The following GSE1 variants were observed in gnomAD, a reference collection of about 807,000 sequenced individuals.
The protein encoded by GSE1 is Gse1 coiled-coil protein, also known as genetic suppressor element 1.
A neutral mutation model predicts 112.6 loss-of-function variants in GSE1; 32 were observed. That is an observed-to-expected ratio of 0.28 (90% CI 0.21 to 0.38). The LOEUF (loss-of-function observed/expected upper bound fraction) is 0.38, where lower values mean the gene tolerates loss of function less well. Among genes scored for constraint, GSE1 ranks in the 10% least tolerant of loss-of-function variants. The pLI is 1.00. For synonymous variants in GSE1, 1,115 were observed against 735.6 expected, an observed-to-expected ratio of 1.52 and a Z score of -8.35; for missense variants, 2,348 against 1,699.2, an observed-to-expected ratio of 1.38 and a Z score of -6.71.
At chr16:85,509,360 C>T (rs2051655395) in intron 2 of GSE1, among the ~76,000 whole-genome samples, 1 of 152,200 alleles carries the variant, frequency 6.6e-6, no homozygotes, top group Non-Finnish European at 1.5e-5. Context: ...AGTTTCTCCT[C>T]AGAACAATGG....
At chr16:85,582,109 C>A (rs2046471656) in intron 1 of GSE1, 1 of 152,138 alleles carries the variant, frequency 6.6e-6, no homozygotes. Flanking sequence ...GGGAAGGAGG[C>A]AAGAGGAGAC....
At chr16:85,471,128 C>T (rs1362083163) in intron 2 of GSE1, among the ~76,000 whole-genome samples, 2 of 152,036 alleles carry the variant, frequency 1.3e-5, no homozygotes, top group East Asian at 3.9e-4. Flanking sequence ...TCGGTCCTCC[C>T]CCATTCGCCC....
upstream of GSE1, among the ~76,000 whole-genome samples, chr16:85,551,433 G>C (rs1370004807): frequency 6.6e-6 from 1 of 152,218 alleles, no homozygotes; most frequent in Non-Finnish European, 1.5e-5. Flanking sequence ...AATGGCTGTA[G>C]TGATGGGTTC....
At chr16:85,525,771 G>A (rs1204087548) in intron 2 of GSE1, among the ~76,000 whole-genome samples, 2 of 152,184 alleles carry the variant, frequency 1.3e-5, no homozygotes, top group Non-Finnish European at 2.9e-5. Flanking sequence ...CAGACAAGCT[G>A]TTTAACCTCG....
intron 2 of GSE1, among the ~76,000 whole-genome samples, chr16:85,436,554 G>C (rs1597749153): frequency 6.6e-6 from 1 of 152,242 alleles, no homozygotes; most frequent in Admixed American, 6.5e-5. Context: ...CTTCCTCTGT[G>C]GGGGCTAACA....
At chr16:85,171,677 T>A in exon 1 of GSE1, 2 of 985,608 alleles carry the variant, frequency 2.0e-6, no homozygotes, top group Non-Finnish European at 2.4e-6. Context: ...AGCCACAGCC[T>A]GTTGGTGGAT....
At chr16:85,589,987 T>C (rs544899870) in intron 1 of GSE1, among the ~76,000 whole-genome samples, 1 of 152,030 alleles carries the variant, frequency 6.6e-6, no homozygotes, top group African/African-American at 2.4e-5. Context: ...TGAATGCATG[T>C]GTGAATGTGA....
At chr16:85,256,612 C>T (rs980007691) in intron 1 of GSE1, among the ~76,000 whole-genome samples, 2 of 152,238 alleles carry the variant, frequency 1.3e-5, no homozygotes, top group South Asian at 2.1e-4. Context: ...TATTTCCATC[C>T]GGGACCCCGG....
At chr16:85,192,868 G>A (rs913886346) in intron 1 of GSE1, among the ~76,000 whole-genome samples, 1 of 152,232 alleles carries the variant, frequency 6.6e-6, no homozygotes, top group Admixed American at 6.5e-5. Flanking sequence ...TCGCCCTTTT[G>A]GGAAGAAGGG....
At chr16:85,575,769 T>G (rs996666728) in intron 1 of GSE1, among the ~76,000 whole-genome samples, 1 of 152,202 alleles carries the variant, frequency 6.6e-6, no homozygotes, top group African/African-American at 2.4e-5. Context: ...AATTAGGTGA[T>G]TATCACTATA....
At chr16:85,637,205 T>G (rs1256048269) in intron 2 of GSE1, among the ~76,000 whole-genome samples, 1 of 152,220 alleles carries the variant, frequency 6.6e-6, no homozygotes, top group East Asian at 1.9e-4. Context: ...CGGCGGCCGC[T>G]GTCTGCTTTC....
intron 1 of GSE1, among the ~76,000 whole-genome samples, chr16:85,563,358 T>G (rs1307987243): frequency 6.6e-6 from 1 of 152,192 alleles, no homozygotes; most frequent in Non-Finnish European, 1.5e-5. Context: ...TCAGTGAGAA[T>G]TTTCTTACAA....
At chr16:85,664,981 C>T (rs1271761799) in intron 11 of GSE1, 34 bp from the exon 12 acceptor site, 19 of 1,326,904 alleles carry the variant, frequency 1.4e-5, no homozygotes, top group Non-Finnish European at 1.9e-5. Context: ...AATGATGCAA[C>T]TGGCTCGTTA....
intron 2 of GSE1, among the ~76,000 whole-genome samples, chr16:85,380,791 T>A (rs898762073): frequency 6.6e-6 from 1 of 152,216 alleles, no homozygotes; most frequent in African/African-American, 2.4e-5. Context: ...CCGCTGCTCC[T>A]CCAGCTGAAG....
chr16:85,646,133 A>G lies in GSE1; in HGVS notation c.227-2419A>G, dbSNP rs1410816484. Among the ~76,000 whole-genome samples, 260 of 100,954 alleles carry G rather than the reference A, an allele frequency of 2.6e-3. 4 individuals carry two copies. The highest frequency in any genetic ancestry group is 0.018 in the Middle Eastern group (2 of 110). 66.2% of individuals were successfully genotyped at this position (100,954 alleles called of 152,430 possible). A position where few individuals can be genotyped will look rare whatever the true frequency, so the allele number is the denominator to read the frequency against. ...TCTACCTGCTTCTACCACGCTTCCT[A>G]TGCATGCATTCTACCTGCTTCTACC... is the stretch of plus-strand genomic sequence containing the variant. On this transcript the variant is annotated intron_variant, in intron 2 of 15. Transcript: ENST00000253458.
intron 1 of GSE1, among the ~76,000 whole-genome samples, chr16:85,197,638 C>G (rs1448210675): frequency 6.6e-6 from 1 of 152,196 alleles, no homozygotes; most frequent in African/African-American, 2.4e-5. Flanking sequence ...AAAGTCAATC[C>G]CTCTCTATGC....
At chr16:85,479,063 C>T (rs1438840016) in intron 2 of GSE1, among the ~76,000 whole-genome samples, 1 of 142,956 alleles carries the variant, frequency 7.0e-6, no homozygotes, top group Admixed American at 7.0e-5. Context: ...GCTCTGTCGC[C>T]CAGGCTGGAG....
chr16:85,603,342 C>T (rs1256369512), intron 1 of GSE1, among the ~76,000 whole-genome samples: 2 of 152,192 alleles, frequency 1.3e-5, no homozygotes, highest in Non-Finnish European at 2.9e-5. Flanking sequence ...TGACTGGCTT[C>T]GCTCGTGACT....
At chr16:85,650,857 C>T (rs985179355) in intron 3 of GSE1, among the ~76,000 whole-genome samples, 9 of 151,748 alleles carry the variant, frequency 5.9e-5, no homozygotes, top group East Asian at 1.9e-4. Context: ...TGGCAGTTGC[C>T]GGGCCGGAGG....
Sources: allele counts gnomAD v4.1 joint callset (sites outside exome capture counted in the v4.1 genomes callset), GRCh38; gene constraint gnomAD v4.1.1; transcripts MANE v1.5; gene names NCBI Gene and HGNC (gene_info 2026-07-23, HGNC 2026-07-21).